NRP2: variants seen among roughly 807,000 people sequenced by gnomAD.
The protein encoded by NRP2 is neuropilin-2.
In NRP2, 52 loss-of-function variants were observed where a neutral mutation model predicts 110.4. The ratio of observed to expected loss-of-function variants is 0.47; its 90% CI spans 0.38 to 0.59. NRP2 has a LOEUF of 0.59. Among genes scored for constraint, NRP2 ranks in the 20% least tolerant of loss-of-function variants. The pLI, the probability that NRP2 is intolerant of heterozygous loss-of-function variation, is 0.00. For synonymous variants in NRP2, 508 were observed against 468.9 expected (o/e 1.08, Z -1.08); for missense variants, 1,049 against 1,203.0 (o/e 0.87, Z 1.89).
intron 2 of NRP2, among the ~76,000 whole-genome samples, chr2:205,702,213 C>T (rs575239837): frequency 2.0e-5 from 3 of 152,200 alleles, no homozygotes; most frequent in Non-Finnish European, 4.4e-5. Context: ...TGCCTGTCTC[C>T]TGTAGCCTTC....
chr2:205,776,694 T>C (rs1322017039), intron 15 of NRP2: 5 of 1,502,994 alleles, frequency 3.3e-6, no homozygotes, highest in Non-Finnish European at 4.4e-6. Context: ...CCTCCTTGGG[T>C]TCATTTTGGT....
intron 12 of NRP2, among the ~76,000 whole-genome samples, chr2:205,760,130 G>A (rs1033128676): frequency 6.6e-6 from 1 of 152,192 alleles, no homozygotes; most frequent in Non-Finnish European, 1.5e-5. Flanking sequence ...CACAGGGAAG[G>A]TGACATCAGG....
At chr2:205,736,941 T>C (rs1021730032) in intron 7 of NRP2, among the ~76,000 whole-genome samples, 2 of 152,174 alleles carry the variant, frequency 1.3e-5, no homozygotes, top group African/African-American at 4.8e-5. Flanking sequence ...TGATAGCATT[T>C]ACTAGCTATA....
At chr2:205,704,573 C>T (rs568516398) in intron 2 of NRP2, among the ~76,000 whole-genome samples, 1 of 152,342 alleles carries the variant, frequency 6.6e-6, no homozygotes, top group African/African-American at 2.4e-5. Flanking sequence ...ACCTTGACCA[C>T]AGGGTCCACC....
intron 1 of NRP2, among the ~76,000 whole-genome samples, chr2:205,697,154 A>C (rs1190046226): frequency 2.0e-5 from 3 of 152,098 alleles, no homozygotes; most frequent in Non-Finnish European, 4.4e-5. Context: ...TTTATGAGAT[A>C]AAGATAGAGA....
At chr2:205,780,603 T>C (rs543863495) in intron 15 of NRP2, among the ~76,000 whole-genome samples, 1 of 152,306 alleles carries the variant, frequency 6.6e-6, no homozygotes, top group Admixed American at 6.5e-5. Context: ...ACCCCATTCA[T>C]GGGATTTATC....
chr2:205,745,593 G>A (rs992389473), intron 9 of NRP2, among the ~76,000 whole-genome samples, 153 bp from the exon 10 acceptor site: 10 of 152,256 alleles, frequency 6.6e-5, no homozygotes, highest in South Asian at 6.2e-4. Context: ...TGAAGCTCGC[G>A]TGGATCAGAA....
chr2:205,750,327 G>A (rs1042441715), intron 11 of NRP2, among the ~76,000 whole-genome samples: 1 of 152,184 alleles, frequency 6.6e-6, no homozygotes, highest in Non-Finnish European at 1.5e-5. Context: ...GTGTTTCCCT[G>A]TGTCTTTCAC....
chr2:205,741,051 T>A (rs2057431224), intron 8 of NRP2, among the ~76,000 whole-genome samples: 1 of 152,168 alleles, frequency 6.6e-6, no homozygotes, highest in Non-Finnish European at 1.5e-5. Context: ...TCTAGGCAGT[T>A]CCAGTCCAAA....
Position 205,765,534 on chromosome 2 carries a change from C to T in NRP2, c.2368C>T (p.Arg790Trp), listed in dbSNP as rs1415555640. 2 of 1,614,048 alleles carry T rather than the reference C, an allele frequency of 1.2e-6. No homozygotes were observed. Among genetic ancestry groups the T allele is most frequent in the Non-Finnish European group, 8.5e-7 (1 of 1,179,950 alleles). ...RSGEIAIDDI[R>W]ISTDVPLENC... is the part of the protein sequence containing the mutation. ...CGGAGAGATTGCCATTGATGACATT[C>T]GGATAAGCACTGATGTCCCACTGGA... is the stretch of plus-strand genomic sequence containing the variant. Residue 790 changes from arginine to tryptophan, a missense_variant, in exon 14 of 17, where the codon CGG becomes TGG. Coordinates refer to ENST00000357785, the MANE Select transcript of NRP2 (RefSeq NM_003872.3).
Position 205,796,286 on chromosome 2 carries a change from A to G in NRP2, c.*1228A>G, listed in dbSNP as rs568780697. 1 of 152,478 alleles carries G rather than the reference A, an allele frequency of 6.6e-6. No individual in the cohort carries two copies. The highest frequency in any genetic ancestry group is 2.1e-4 in the South Asian group (1 of 4,822). The allele number at this position is 152,478 out of a possible 1,614,324, so 9.4% of individuals were successfully genotyped here. On this transcript the variant is annotated 3_prime_UTR_variant, in exon 17 of 17. Coordinates refer to ENST00000357785, the MANE Select transcript of NRP2 (RefSeq NM_003872.3). ...ACAAACACCATTTCAACCTTTCGGG[A>G]GAGTCAGAGCTAGGATGTACAAGAA...
chr2:205,708,364 C>T (rs2105771096), intron 2 of NRP2, among the ~76,000 whole-genome samples: 1 of 152,350 alleles, frequency 6.6e-6, no homozygotes, highest in African/African-American at 2.4e-5. Flanking sequence ...AGACCCGTGA[C>T]CACACGGCCT....
At position 205,797,208 on chromosome 2, in the gene NRP2, A is replaced by G. The variant is rs1644255628; in HGVS notation, c.*2150A>G. The stretch of plus-strand genomic sequence containing the variant: ...GGTGAAAAGTAGAGCTGTCAAGCCC[A>G]AGGGCTTAGCTTTAGGGCTCCTCCT... On this transcript the variant is annotated 3_prime_UTR_variant, in exon 17 of 17. Coordinates refer to ENST00000357785, the MANE Select transcript of NRP2 (RefSeq NM_003872.3). 6.6e-6 allele frequency: 1 copy of G among 152,630 alleles called. No individual in the cohort carries two copies. Among genetic ancestry groups the G allele is most frequent in the African/African-American group, 2.4e-5 (1 of 41,440 alleles). 9.5% of individuals were successfully genotyped at this position (152,630 alleles called of 1,614,324 possible). A position where few individuals can be genotyped will look rare whatever the true frequency, so the allele number is the denominator to read the frequency against.
chr2:205,737,475 C>A (rs1387772658), intron 7 of NRP2, among the ~76,000 whole-genome samples: 1 of 152,180 alleles, frequency 6.6e-6, no homozygotes, highest in East Asian at 1.9e-4. Context: ...AGCTAATTAG[C>A]CGCAGAGCAC....
rs190531459 is a variant in NRP2, at chr2:205,752,800, T to C, written c.1904-35T>C. 55 of 1,613,000 alleles carry C rather than the reference T, an allele frequency of 3.4e-5. No individual in the cohort carries two copies. The Admixed American group carries it at 8.2e-4, about 24-fold the overall frequency. ...TGGCTGTTCTCTGAACCCATTTCAT[T>C]TGCCTTCCTTTGGGTTATTGTTTTC... On this transcript the variant is annotated intron_variant, in intron 11 of 16. Transcript: ENST00000357785.
At chr2:205,693,455 C>G (rs535276197) in intron 1 of NRP2, among the ~76,000 whole-genome samples, 53 of 152,188 alleles carry the variant, frequency 3.5e-4, no homozygotes, top group African/African-American at 1.1e-3. Context: ...CTACCTCCCT[C>G]CCAGCATCCA....
Position 205,794,792 on chromosome 2 carries a change from A to T in NRP2, c.2515A>T (p.Thr839Ser). 15 of 1,614,158 alleles carry T rather than the reference A, an allele frequency of 9.3e-6. No homozygotes were observed. Among genetic ancestry groups the T allele is most frequent in the Non-Finnish European group, 1.3e-5 (15 of 1,180,034 alleles). Residue 839 changes from threonine to serine, a missense_variant, in exon 17 of 17, where the codon ACC (threonine) becomes TCC (serine). Thr to Ser is a moderately conservative substitution (Grantham distance 58). Coordinates refer to ENST00000357785, the MANE Select transcript of NRP2 (RefSeq NM_003872.3). ...EVDWSNSSSATSGSGAPSTDK... is the reference protein window; with the variant it reads ...EVDWSNSSSASSGSGAPSTDK... ...GGACTGGAGCAATTCTTCTTCTGCAACCTCAGGGTCTGGCGCCCCCTCGAC... is the reference window on the plus strand; with the variant it reads ...GGACTGGAGCAATTCTTCTTCTGCATCCTCAGGGTCTGGCGCCCCCTCGAC...
At chr2:205,693,139 T>C (rs549589396) in intron 1 of NRP2, among the ~76,000 whole-genome samples, 14 of 152,308 alleles carry the variant, frequency 9.2e-5, no homozygotes, top group South Asian at 6.2e-4. Context: ...GCTGTGGAAA[T>C]AGGGACAAAG....
At chr2:205,783,213 C>CT (rs1178373055) in intron 15 of NRP2, among the ~76,000 whole-genome samples, 5 of 151,972 alleles carry the variant, frequency 3.3e-5, no homozygotes, top group Admixed American at 3.3e-4. Context: ...TCAGAACGTT[C>CT]TTTTTTTTAA....
Sources: gnomAD v4.1 joint callset for allele counts (sites outside exome capture counted in the v4.1 genomes callset) on GRCh38, gnomAD v4.1.1 for gene constraint, MANE v1.5 for transcripts, NCBI Gene and HGNC (gene_info 2026-07-23, HGNC 2026-07-21) for gene names.